The following TMEM132D variants were observed in gnomAD, a reference collection of about 807,000 sequenced individuals.
TMEM132D encodes the protein transmembrane protein 132D, also known as mature OL transmembrane protein.
TMEM132D carries 21 observed loss-of-function variants against 62.3 expected under a neutral mutation model. The observed-to-expected ratio is 0.34, with a 90% confidence interval of 0.24 to 0.49. The LOEUF is 0.49. Among genes scored for constraint, TMEM132D ranks in the 20% least tolerant of loss-of-function variants. The pLI is 0.99. For missense variants in TMEM132D, 1,346 were observed against 1,402.8 expected (o/e 0.96, Z 0.65); for synonymous variants, 621 against 575.6 (o/e 1.08, Z -1.13).
intron 2 of TMEM132D, among the ~76,000 whole-genome samples, chr12:129,684,686 G>A (rs541349316): frequency 6.6e-6 from 1 of 152,168 alleles, no homozygotes; most frequent in African/African-American, 2.4e-5. Flanking sequence ...TTCCTAAAGA[G>A]TTGGAGGGCT....
chr12:129,852,135 T>A (rs1873563231), intron 1 of TMEM132D: 1 of 152,224 alleles, frequency 6.6e-6, no homozygotes, highest in South Asian at 2.1e-4. Context: ...TGAAAAATGC[T>A]GTGCCAAATT....
chr12:129,738,420 A>AG (rs1021723647), intron 1 of TMEM132D, among the ~76,000 whole-genome samples: 13 of 151,790 alleles, frequency 8.6e-5, no homozygotes, highest in South Asian at 2.1e-4. Context: ...AGAAAGGAAG[A>AG]GGGGGGAAGG....
intron 1 of TMEM132D, among the ~76,000 whole-genome samples, chr12:129,781,967 C>T (rs1022341685): frequency 6.6e-6 from 1 of 152,184 alleles, no homozygotes; most frequent in Non-Finnish European, 1.5e-5. Context: ...CTGCACACAA[C>T]CTCGTATGTA....
chr12:129,488,851 A>C (rs1485839454), intron 3 of TMEM132D, among the ~76,000 whole-genome samples: 1 of 151,576 alleles, frequency 6.6e-6, no homozygotes, highest in Non-Finnish European at 1.5e-5. Context: ...CAAAACAATA[A>C]ATTCTCTTCT....
At chr12:129,477,884 A>T (rs982891721) in intron 3 of TMEM132D, among the ~76,000 whole-genome samples, 1 of 151,844 alleles carries the variant, frequency 6.6e-6, no homozygotes, top group Admixed American at 6.6e-5. Flanking sequence ...AGAGAGAGAC[A>T]GAGAGAGAGA....
chr12:129,642,050 T>A (rs909467213), intron 2 of TMEM132D, among the ~76,000 whole-genome samples: 1 of 151,844 alleles, frequency 6.6e-6, no homozygotes, highest in African/African-American at 2.4e-5. Flanking sequence ...AGTGTGGGGA[T>A]GACAGTATTC....
intron 3 of TMEM132D, among the ~76,000 whole-genome samples, chr12:129,366,266 T>C (rs551944750): frequency 9.6e-4 from 146 of 152,204 alleles, no homozygotes; most frequent in Non-Finnish European, 1.4e-3. Context: ...TGGAGGTGGG[T>C]CTGGTGAGAG....
At chr12:129,672,904 C>T (rs927011057) in intron 2 of TMEM132D, among the ~76,000 whole-genome samples, 2 of 152,076 alleles carry the variant, frequency 1.3e-5, no homozygotes, top group African/African-American at 2.4e-5. Context: ...TGCACCACCA[C>T]GCCCAGCTAA....
chr12:129,303,786 G>A (rs1323624425), intron 4 of TMEM132D, among the ~76,000 whole-genome samples: 1 of 143,354 alleles, frequency 7.0e-6, no homozygotes, highest in Non-Finnish European at 1.5e-5. Context: ...GAAAGCTGGT[G>A]ATGTGATTTG....
intron 2 of TMEM132D, among the ~76,000 whole-genome samples, chr12:129,629,605 T>C (rs919456103): frequency 3.9e-5 from 6 of 152,206 alleles, no homozygotes; most frequent in African/African-American, 1.4e-4. Flanking sequence ...TTTCATTTCT[T>C]ATTACTTTAT....
chr12:129,707,713 G>A (rs1426972346), intron 1 of TMEM132D, among the ~76,000 whole-genome samples: 2 of 152,100 alleles, frequency 1.3e-5, no homozygotes, highest in African/African-American at 2.4e-5. Flanking sequence ...TATCTTAAGA[G>A]CAAGATACAT....
chr12:129,590,367 C>T (rs1334218869), intron 2 of TMEM132D, among the ~76,000 whole-genome samples: 1 of 152,186 alleles, frequency 6.6e-6, no homozygotes, highest in African/African-American at 2.4e-5. Context: ...CCACCAAGTC[C>T]CTTCTAATAC....
chr12:129,602,850 T>C (rs1369742825), intron 2 of TMEM132D, among the ~76,000 whole-genome samples: 1 of 152,168 alleles, frequency 6.6e-6, no homozygotes, highest in African/African-American at 2.4e-5. Context: ...TATGCAGGGT[T>C]GGGTAGGCCT....
intron 3 of TMEM132D, among the ~76,000 whole-genome samples, chr12:129,475,667 G>A (rs1353602665): frequency 6.6e-6 from 1 of 152,218 alleles, no homozygotes; most frequent in Non-Finnish European, 1.5e-5. Flanking sequence ...AGGTATAACT[G>A]CTTCATCGTA....
At chr12:129,431,293 T>C (rs1872648227) in intron 3 of TMEM132D, among the ~76,000 whole-genome samples, 1 of 152,200 alleles carries the variant, frequency 6.6e-6, no homozygotes, top group African/African-American at 2.4e-5. Context: ...TGCCATGTGC[T>C]ACATCTCTGG....
intron 2 of TMEM132D, among the ~76,000 whole-genome samples, chr12:129,551,061 A>G (rs58236989): frequency 0.29 from 44,522 of 152,122 alleles, 6,656 homozygotes; most frequent in East Asian, 0.4. Context: ...TGAAACCCCA[A>G]CGGGGGTCCC....
chr12:129,885,767 T>G (rs953271540), intron 1 of TMEM132D, among the ~76,000 whole-genome samples: 1 of 152,234 alleles, frequency 6.6e-6, no homozygotes, highest in African/African-American at 2.4e-5. Flanking sequence ...ATGAAACTGT[T>G]ACATCACTCT....
intron 3 of TMEM132D, among the ~76,000 whole-genome samples, chr12:129,413,865 T>C (rs1251633709): frequency 6.6e-6 from 1 of 152,218 alleles, no homozygotes; most frequent in Non-Finnish European, 1.5e-5. Context: ...TGAAAAGTCA[T>C]ACAAAATATT....
At chr12:129,149,726 A>C (rs1439873938) in intron 5 of TMEM132D, among the ~76,000 whole-genome samples, 1 of 152,150 alleles carries the variant, frequency 6.6e-6, no homozygotes, top group East Asian at 1.9e-4. Flanking sequence ...TGCCTCACTC[A>C]CTCCAAGAAC....
Sources: allele counts gnomAD v4.1 joint callset (sites outside exome capture counted in the v4.1 genomes callset), GRCh38; gene constraint gnomAD v4.1.1; transcripts MANE v1.5; gene names NCBI Gene and HGNC (gene_info 2026-07-23, HGNC 2026-07-21).